Variants in PLCB2 observed in about 807,000 individuals in gnomAD.
The protein encoded by PLCB2 is phospholipase C beta 2, also known as 1-phosphatidylinositol 4,5-bisphosphate phosphodiesterase beta-2.
In PLCB2, 115 loss-of-function variants were observed where a neutral mutation model predicts 141.7. The observed-to-expected ratio is 0.81, with a 90% CI of 0.70 to 0.95. The LOEUF (loss-of-function observed/expected upper bound fraction) is 0.95. Ranked by LOEUF, PLCB2 falls within the 40% of genes least tolerant of loss-of-function variation. The pLI is 0.00. For synonymous variants in PLCB2, 603 were observed against 595.6 expected (o/e 1.01, Z -0.18); for missense variants, 1,403 against 1,541.1 (o/e 0.91, Z 1.50).
Position 40,297,980 on chromosome 15 carries a change from A to G in PLCB2, c.1156-21T>C, listed in dbSNP as rs1287335506. The G allele has an allele frequency of 2.6e-6, 4 of 1,559,062 alleles. No individual in the cohort carries two copies. Among genetic ancestry groups the G allele is most frequent in the South Asian group, 1.1e-5 (1 of 89,656 alleles). ...GCTTCCTGGAGGAGAAGGAGACTCC[A>G]TGAACAGAAGGTCAGCGTTCCGACT... On this transcript the variant is annotated intron_variant, in intron 11 of 31. Coordinates refer to ENST00000260402, the MANE Select transcript of PLCB2 (RefSeq NM_004573.3). This position sits in a 1 kb window ranked among gnomAD's most constrained non-coding sequence, Gnocchi z 4.2.
In PLCB2 at chr15:40,297,013, C is replaced by T. The variant is rs2040259902; in HGVS notation, c.1324-105G>A. 2 of 1,038,784 alleles carry T rather than the reference C, an allele frequency of 1.9e-6. No individual in the cohort carries two copies. The highest frequency in any genetic ancestry group is 4.8e-5 in the East Asian group (2 of 41,956). 64.3% of individuals were successfully genotyped at this position (1,038,784 alleles called of 1,614,324 possible). ...CTCGGCCTCCCCCACTCCTCTTGAC[C>T]TGCCTCTCACTACTGCTTATCATCC... On this transcript the variant is annotated intron_variant, in intron 13 of 31. Coordinates refer to ENST00000260402, the MANE Select transcript of PLCB2 (RefSeq NM_004573.3). This position sits in a 1 kb window ranked among gnomAD's most constrained non-coding sequence, Gnocchi z 4.2.
In PLCB2 at chr15:40,288,514, C is replaced by T. The variant is rs1204363774; in HGVS notation, c.*201G>A. On this transcript the variant is annotated 3_prime_UTR_variant, in exon 32 of 32. Coordinates refer to ENST00000260402, the MANE Select transcript of PLCB2 (RefSeq NM_004573.3). Reference sequence around the variant, plus strand: ...GTCAGCTTGAGAAGACTTCTAGGCCCCAGAGAGGCCCTGCCGTGAGGGTGC... The same window carrying T: ...GTCAGCTTGAGAAGACTTCTAGGCCTCAGAGAGGCCCTGCCGTGAGGGTGC... 3 of 1,309,270 alleles carry T rather than the reference C, an allele frequency of 2.3e-6. No individual in the cohort carries two copies. The highest frequency in any genetic ancestry group is 1.9e-6 in the Non-Finnish European group (2 of 1,029,164). The allele number at this position is 1,309,270 out of a possible 1,614,324, so 81.1% of individuals were successfully genotyped here. A position where few individuals can be genotyped will look rare whatever the true frequency, so the allele number is the denominator to read the frequency against.
At chr15:40,289,065 G>C in intron 31 of PLCB2, 147 bp from the exon 32 acceptor site, 6 of 1,255,676 alleles carry the variant, frequency 4.8e-6, no homozygotes, top group South Asian at 1.5e-5. Context: ...GGGAGTGGTA[G>C]AGCCCATCAG....
rs1045859861 is a variant in PLCB2 at position 40,301,212 on chromosome 15, G to A, written c.582+745C>T. ...GGGCAGGTGATCAATGGGGGTCGTGGTTTTATTTATTTATAACGTTCCAAA... is the reference window on the plus strand; with the variant it reads ...GGGCAGGTGATCAATGGGGGTCGTGATTTTATTTATTTATAACGTTCCAAA... On this transcript the variant is annotated intron_variant, in intron 7 of 31. Coordinates refer to ENST00000260402, the MANE Select transcript of PLCB2 (RefSeq NM_004573.3). 2.2e-5 allele frequency: 5 copies of A among 227,252 alleles called. No individual in the cohort carries two copies. The South Asian group carries it at 3.9e-4, about 18-fold the overall frequency. 14.1% of individuals were successfully genotyped at this position (227,252 alleles called of 1,614,324 possible).
chr15:40,301,621 C>G lies in PLCB2; in HGVS notation c.582+336G>C, dbSNP rs1193766045. 4.3e-6 allele frequency: 3 copies of G among 702,900 alleles called. No homozygotes were observed. In the African/African-American group the frequency reaches 5.2e-5, roughly 12 times the overall value. 43.5% of individuals were successfully genotyped at this position (702,900 alleles called of 1,614,324 possible). A position where few individuals can be genotyped will look rare whatever the true frequency, so the allele number is the denominator to read the frequency against. On this transcript the variant is annotated intron_variant, in intron 7 of 31. Transcript: ENST00000260402. ...CTCGCTCCTCCAGGCTGAAAACATTCACGCTCAGCTCCCATTCCCAACACT... is the reference window on the plus strand; with the variant it reads ...CTCGCTCCTCCAGGCTGAAAACATTGACGCTCAGCTCCCATTCCCAACACT...
At chr15:40,285,027 G>A (rs2039590779), downstream of PLCB2, among the ~76,000 whole-genome samples, 1 of 152,118 alleles carries the variant, frequency 6.6e-6, no homozygotes, top group Non-Finnish European at 1.5e-5. Context: ...TGGAGTAGGA[G>A]ATGCCTGGGG....
rs574704511 is a variant in PLCB2, at chr15:40,294,555, G to A, written c.1907-135C>T. On this transcript the variant is annotated intron_variant, in intron 18 of 31. Coordinates refer to ENST00000260402, the MANE Select transcript of PLCB2 (RefSeq NM_004573.3). ...GACCGTGAGGATGAGGGCTTCTCCT[G>A]TCCCAGTCTGGTTCCTTGCAGTGTC... The A allele has an allele frequency of 1.2e-5, 10 of 855,866 alleles. No homozygotes were observed. In the South Asian group the frequency reaches 1.6e-4, roughly 14 times the overall value. The allele number at this position is 855,866 out of a possible 1,614,324, so 53.0% of individuals were successfully genotyped here. A position where few individuals can be genotyped will look rare whatever the true frequency, so the allele number is the denominator to read the frequency against.
chr15:40,298,529 G>C, intron 10 of PLCB2, 33 bp downstream of exon 10: 1 of 1,613,376 alleles, frequency 6.2e-7, no homozygotes, highest in Non-Finnish European at 8.5e-7. Context: ...CCCTGTGAAA[G>C]CAGAGGTTGG....
At chr15:40,292,529 G>A in intron 21 of PLCB2, 86 bp from the exon 22 acceptor site, 1 of 836,732 alleles carries the variant, frequency 1.2e-6, no homozygotes, top group South Asian at 1.7e-5. Flanking sequence ...AAGGGTCTGA[G>A]TCTGGCACTG....
downstream of PLCB2, among the ~76,000 whole-genome samples, chr15:40,286,554 C>A (rs2039614582): frequency 1.3e-5 from 2 of 152,174 alleles, no homozygotes. Context: ...GGTAGGGACC[C>A]TTCTCTTTGT....
Position 40,298,349 on chromosome 15 carries a change from C to A in PLCB2, c.1029G>T (p.Glu343Asp). The A allele has an allele frequency of 2.5e-6, 4 of 1,598,872 alleles. No homozygotes were observed. Among genetic ancestry groups the A allele is most frequent in the Non-Finnish European group, 3.4e-6 (4 of 1,170,278 alleles). ...CAGAGAGCAGCACCTGGCGGTACAT[C>A]TCAGCCGAGGAGAGGCCTGAGAACT... ...AGQFSGLSSA[E>D]MYRQVLLSGC... Residue 343 changes from glutamate to aspartate, a missense_variant, in exon 11 of 32, where the codon GAG becomes GAT. This residue lies in a region of PLCB2 where 975 missense variants were observed against 1,141.1 expected (regional missense o/e 0.85). Coordinates refer to ENST00000260402, the MANE Select transcript of PLCB2 (RefSeq NM_004573.3).
chr15:40,284,375 A>G (rs1400445168), downstream of PLCB2: 11 of 376,762 alleles, frequency 2.9e-5, no homozygotes, highest in Non-Finnish European at 5.3e-5. Context: ...TTAAGAAGAC[A>G]ACACTGGGAC....
chr15:40,305,651 G>T (rs1336157909), intron 1 of PLCB2, among the ~76,000 whole-genome samples: 2 of 152,210 alleles, frequency 1.3e-5, no homozygotes, highest in Non-Finnish European at 2.9e-5. Context: ...ATGCTGGGGG[G>T]ACTTCAAGCA....
intron 7 of PLCB2, among the ~76,000 whole-genome samples, chr15:40,299,520 T>C (rs1287271081): frequency 6.6e-6 from 1 of 152,188 alleles, no homozygotes; most frequent in Non-Finnish European, 1.5e-5. Context: ...GAAGAAATGA[T>C]GCTGCTTGCC....
intron 7 of PLCB2, among the ~76,000 whole-genome samples, chr15:40,299,442 G>C (rs1185572186): frequency 6.6e-6 from 1 of 152,200 alleles, no homozygotes; most frequent in African/African-American, 2.4e-5. Flanking sequence ...ATTTTGTACA[G>C]TGGCTATTCC....
chr15:40,292,840 C>A, intron 21 of PLCB2, 86 bp downstream of exon 21: 1 of 823,300 alleles, frequency 1.2e-6, no homozygotes, highest in Non-Finnish European at 2.0e-6. Context: ...TAAGGCCTCA[C>A]TCCAGGCCCC....
At chr15:40,284,589 C>T (rs919134843), downstream of PLCB2, 2 of 453,922 alleles carry the variant, frequency 4.4e-6, no homozygotes, top group African/African-American at 4.0e-5. Context: ...CGCCTGTAAT[C>T]CCAGCACTTT....
Position 40,293,600 on chromosome 15 carries a change from A to T in PLCB2, c.2186T>A (p.Ile729Asn). 1 of 1,614,034 alleles carries T rather than the reference A, an allele frequency of 6.2e-7. No individual in the cohort carries two copies. The highest frequency in any genetic ancestry group is 2.2e-5 in the East Asian group (1 of 44,882). The stretch of plus-strand genomic sequence containing the variant: ...GGGCTCCTCCTTCCAGACAGGATTG[A>T]TGGAGTTAGTACTGGGTGACAGCTT... The part of the protein sequence containing the change: ...RTKLSPSTNS[I>N]NPVWKEEPFV... Residue 729 changes from isoleucine to asparagine, a missense_variant, in exon 20 of 32, where the codon ATC becomes AAC. Ile to Asn is a moderately radical substitution (Grantham distance 149, BLOSUM62 -3). This residue lies in a region of PLCB2 where 975 missense variants were observed against 1,141.1 expected (regional missense o/e 0.85). Transcript: ENST00000260402.
intron 7 of PLCB2, chr15:40,301,305 G>A (rs2040492479): frequency 1.9e-6 from 1 of 528,726 alleles, no homozygotes; most frequent in African/African-American, 1.9e-5. Context: ...GGCCAAGCAG[G>A]GACAGGGGCT....
Sources: gnomAD v4.1 joint callset for allele counts (sites outside exome capture counted in the v4.1 genomes callset) on GRCh38, gnomAD v4.1.1 for gene constraint, gnomAD v4.1.1 regional missense constraint, Gnocchi (gnomAD v3.1) non-coding constraint, MANE v1.5 for transcripts, NCBI Gene and HGNC (gene_info 2026-07-23, HGNC 2026-07-21) for gene names.